The following MTMR12 variants were observed in gnomAD, a reference collection of about 807,000 sequenced individuals.
MTMR12 encodes myotubularin-related protein 12.
In MTMR12, 33 loss-of-function variants were observed where a neutral mutation model predicts 96.7. The ratio of observed to expected loss-of-function variants is 0.34; its 90% CI spans 0.26 to 0.46. MTMR12 has a LOEUF of 0.46. MTMR12 is among the 20% of genes least tolerant of loss of function. The pLI, the probability that MTMR12 is intolerant of heterozygous loss-of-function variation, is 1.00. For missense variants in MTMR12, 721 were observed against 896.1 expected, an observed-to-expected ratio of 0.80 and a Z score of 2.49; for synonymous variants, 298 against 327.2, an observed-to-expected ratio of 0.91 and a Z score of 0.96.
intron 1 of MTMR12, among the ~76,000 whole-genome samples, chr5:32,306,932 T>C (rs1751386592): frequency 6.6e-6 from 1 of 152,174 alleles, no homozygotes; most frequent in Non-Finnish European, 1.5e-5. Context: ...ACCCACAAAA[T>C]GGGTACAAGT....
chr5:32,256,579 A>ATG (rs780177773), intron 7 of MTMR12, among the ~76,000 whole-genome samples: 2 of 152,266 alleles, frequency 1.3e-5, no homozygotes, highest in Non-Finnish European at 2.9e-5. Flanking sequence ...CAGGCAGCAG[A>ATG]TGTAGGTTTC....
intron 10 of MTMR12, among the ~76,000 whole-genome samples, chr5:32,247,141 G>A (rs773913271): frequency 1.3e-5 from 2 of 152,108 alleles, no homozygotes; most frequent in East Asian, 1.9e-4. Flanking sequence ...CTTGAGCCCC[G>A]GAGTTCAAGA....
At chr5:32,240,237 A>G (rs1293816609) in intron 12 of MTMR12, among the ~76,000 whole-genome samples, 1 of 152,040 alleles carries the variant, frequency 6.6e-6, no homozygotes, top group East Asian at 1.9e-4. Context: ...CGTCTCTACT[A>G]AAAATACAAA....
intron 1 of MTMR12, among the ~76,000 whole-genome samples, chr5:32,277,663 C>A (rs1411214732): frequency 1.3e-5 from 2 of 151,406 alleles, no homozygotes; most frequent in East Asian, 3.9e-4. Flanking sequence ...TATGCCACTG[C>A]ACTCCAGCCT....
At chr5:32,266,119 C>T (rs1278493956) in intron 6 of MTMR12, among the ~76,000 whole-genome samples, 1 of 152,194 alleles carries the variant, frequency 6.6e-6, no homozygotes, top group African/African-American at 2.4e-5. Flanking sequence ...GACTTTTCCC[C>T]TCGATAGTCC....
chr5:32,312,865 G>T lies in MTMR12; in HGVS notation c.-27C>A. The T allele has an allele frequency of 6.6e-7, 1 of 1,512,140 alleles. No individual in the cohort carries two copies. The highest frequency in any genetic ancestry group is 8.8e-7 in the Non-Finnish European group (1 of 1,135,438). The allele number at this position is 1,512,140 out of a possible 1,614,324, so 93.7% of individuals were successfully genotyped here. A position where few individuals can be genotyped will look rare whatever the true frequency, so the allele number is the denominator to read the frequency against. ...CCGCCGCCCTGGGAAGCAGCGACGC[G>T]CGGACGCAGAGGCGGCGGCTCGGGC... On this transcript the variant is annotated 5_prime_UTR_variant, in exon 1 of 16. Coordinates refer to ENST00000382142, the MANE Select transcript of MTMR12 (RefSeq NM_001040446.3). The surrounding 1 kb of genome is among the most constrained non-coding windows in gnomAD (Gnocchi z 5.0).
rs376838489 is a variant in MTMR12, at chr5:32,231,879, C to A, written c.1675-1532G>T. 1.1e-3 allele frequency among the ~76,000 whole-genome samples: 170 copies of A among 152,308 alleles called. 1 individual carries two copies. The highest frequency in any genetic ancestry group is 3.8e-3 in the African/African-American group (158 of 41,580). On this transcript the variant is annotated intron_variant, in intron 15 of 15. Transcript: ENST00000382142. ...GTGCTCAGTACTCACATTCACTGAG[C>A]ACCTCATTCTCAAAGTCACTATTAT...
At position 32,258,388 on chromosome 5, in the gene MTMR12, C is replaced by T. The variant is rs570065441; in HGVS notation, c.714-2620G>A. ...TAAAAACCTCTCCGCAGATCAACTG[C>T]TCTTAAACTCAGGCTGCTCATTCAA... On this transcript the variant is annotated intron_variant, in intron 7 of 15. Transcript: ENST00000382142. Among the ~76,000 whole-genome samples the T allele has an allele frequency of 1.5e-3, 233 of 152,298 alleles. 1 individual carries two copies. The highest frequency in any genetic ancestry group is 2.3e-3 in the Non-Finnish European group (156 of 68,024).
chr5:32,276,939 G>A (rs532667693), intron 1 of MTMR12, among the ~76,000 whole-genome samples, 197 bp from the exon 2 acceptor site: 1 of 126,100 alleles, frequency 7.9e-6, no homozygotes, highest in Admixed American at 1.0e-4. Context: ...AGGCTGGAGT[G>A]CAGTGGCACG....
At chr5:32,232,948 G>A (rs776703586) in intron 15 of MTMR12, 135 of 983,574 alleles carry the variant, frequency 1.4e-4, no homozygotes, top group Non-Finnish European at 1.5e-4. Context: ...GACACACATC[G>A]ACTTAGACTT....
intron 1 of MTMR12, among the ~76,000 whole-genome samples, chr5:32,285,459 C>T (rs539667092): frequency 6.6e-6 from 1 of 152,086 alleles, no homozygotes; most frequent in African/African-American, 2.4e-5. Context: ...AGCCCCCTGC[C>T]CCGCCACTGT....
intron 10 of MTMR12, chr5:32,247,627 T>C (rs1204542289): frequency 3.1e-6 from 2 of 648,774 alleles, no homozygotes; most frequent in Non-Finnish European, 3.8e-6. Flanking sequence ...GGAAAAAGTC[T>C]ACAGAGGAAA....
chr5:32,271,059 G>A lies in MTMR12; in HGVS notation c.359-112C>T, dbSNP rs1407804035. ...CTAGGGATACTTCCCAAGAATGAGA[G>A]GAAAGGTGCTGCCTGACTTTTAAGT... is the stretch of plus-strand genomic sequence containing the variant. On this transcript the variant is annotated intron_variant, in intron 4 of 15. Coordinates refer to ENST00000382142, the MANE Select transcript of MTMR12 (RefSeq NM_001040446.3). 5 of 1,258,590 alleles carry A rather than the reference G, an allele frequency of 4.0e-6. No individual in the cohort carries two copies. The East Asian group carries it at 1.2e-4, about 31-fold the overall frequency. The allele number at this position is 1,258,590 out of a possible 1,614,324, so 78.0% of individuals were successfully genotyped here.
At chr5:32,257,732 T>C (rs777182704) in intron 7 of MTMR12, among the ~76,000 whole-genome samples, 105 of 151,830 alleles carry the variant, frequency 6.9e-4, no homozygotes, top group Non-Finnish European at 1.1e-3. Context: ...TGCGCCACTC[T>C]ACTCTAGCCT....
rs531917440 is a variant in MTMR12, at chr5:32,288,662, T to C, written c.82-11920A>G. 2.0e-5 allele frequency among the ~76,000 whole-genome samples: 3 copies of C among 152,322 alleles called. No individual in the cohort carries two copies. The South Asian group carries it at 6.2e-4, about 32-fold the overall frequency. ...ATAGAGTTGGATCAGGCTAAATTTA[T>C]TGATTTGAGCCCACTAAGTAGGGAC... On this transcript the variant is annotated intron_variant, in intron 1 of 15. Coordinates refer to ENST00000382142, the MANE Select transcript of MTMR12 (RefSeq NM_001040446.3).
chr5:32,285,264 A>G (rs1750486261), intron 1 of MTMR12, among the ~76,000 whole-genome samples: 1 of 151,912 alleles, frequency 6.6e-6, no homozygotes, highest in African/African-American at 2.4e-5. Context: ...AGGCTGAGGC[A>G]GGAGAATTCC....
rs901271373 is a variant in MTMR12, at chr5:32,245,571, T to C, written c.1022-1972A>G. On this transcript the variant is annotated intron_variant, in intron 10 of 15. Transcript: ENST00000382142. ...GGCTGGGCATGGTGGCTCATGCCTA[T>C]AATCCCAGCACTTTGGGAGGCCGAG... Among the ~76,000 whole-genome samples the C allele has an allele frequency of 5.9e-5, 9 of 152,104 alleles. 1 individual carries two copies. In the South Asian group the frequency reaches 1.3e-3, roughly 21 times the overall value.
At chr5:32,264,088 C>T (rs1006455550) in intron 6 of MTMR12, among the ~76,000 whole-genome samples, 1 of 152,150 alleles carries the variant, frequency 6.6e-6, no homozygotes, top group Admixed American at 6.5e-5. Flanking sequence ...CTAGCCAAGG[C>T]TGAATCATGG....
intron 1 of MTMR12, among the ~76,000 whole-genome samples, chr5:32,302,723 A>T (rs576543393): frequency 0.016 from 2,106 of 134,650 alleles, 50 homozygotes; most frequent in African/African-American, 0.062. Flanking sequence ...GACTCCGTAT[A>T]AAAAAAAAAA....
Sources: allele counts gnomAD v4.1 joint callset (sites outside exome capture counted in the v4.1 genomes callset), GRCh38; gene constraint gnomAD v4.1.1; non-coding constraint Gnocchi (gnomAD v3.1); transcripts MANE v1.5; gene names NCBI Gene and HGNC (gene_info 2026-07-23, HGNC 2026-07-21).